Variants in PIP5K1C observed in about 807,000 individuals in gnomAD.
The protein encoded by PIP5K1C is phosphatidylinositol 4-phosphate 5-kinase type-1 gamma.
PIP5K1C carries 45 observed loss-of-function variants against 80.1 expected under a neutral mutation model. The ratio of observed to expected loss-of-function variants is 0.56; its 90% confidence interval spans 0.44 to 0.72. The LOEUF is 0.72. PIP5K1C is among the 30% of genes least tolerant of loss of function. PIP5K1C has a pLI of 0.00. For synonymous variants in PIP5K1C, 498 were observed against 420.1 expected, an observed-to-expected ratio of 1.19 and a Z score of -2.27; for missense variants, 753 against 954.6, an observed-to-expected ratio of 0.79 and a Z score of 2.78.
chr19:3,688,755 G>C lies in PIP5K1C; in HGVS notation c.94+11542C>G, dbSNP rs538772610. Among the ~76,000 whole-genome samples, 1 of 152,042 alleles carries C rather than the reference G, an allele frequency of 6.6e-6. No individual in the cohort carries two copies. The highest frequency in any genetic ancestry group is 6.5e-5 in the Admixed American group (1 of 15,274). Reference sequence around the variant, plus strand: ...GAAAGAGAGAGAGAGAGAGGAGAGTGGGGGGAGAACGAGAGCGAGAGACAC... The same window carrying C: ...GAAAGAGAGAGAGAGAGAGGAGAGTCGGGGGAGAACGAGAGCGAGAGACAC... On this transcript the variant is annotated intron_variant, in intron 1 of 17. Transcript: ENST00000335312. The surrounding 1 kb of genome is among the most constrained non-coding windows in gnomAD (Gnocchi z 5.3).
chr19:3,675,566 C>A (rs2035332001), intron 1 of PIP5K1C, among the ~76,000 whole-genome samples: 1 of 152,176 alleles, frequency 6.6e-6, no homozygotes, highest in Admixed American at 6.5e-5. Flanking sequence ...GGTGCCGACC[C>A]TCAGCTTCTG....
In PIP5K1C at chr19:3,648,833, C is replaced by G; in HGVS notation, c.1128-125G>C. 1 of 753,906 alleles carries G rather than the reference C, an allele frequency of 1.3e-6. No individual in the cohort carries two copies. Among genetic ancestry groups the G allele is most frequent in the Non-Finnish European group, 2.3e-6 (1 of 437,356 alleles). 46.7% of individuals were successfully genotyped at this position (753,906 alleles called of 1,614,324 possible). A position where few individuals can be genotyped will look rare whatever the true frequency, so the allele number is the denominator to read the frequency against. On this transcript the variant is annotated intron_variant, in intron 8 of 17. Transcript: ENST00000335312. The surrounding 1 kb of genome is among the most constrained non-coding windows in gnomAD (Gnocchi z 4.3). Reference sequence around the variant, plus strand: ...GTGGGTGGCAACTTGGCCAAGCTCTCGGAGTGGGGCCTGGCACCCGGGAAC... The same window carrying G: ...GTGGGTGGCAACTTGGCCAAGCTCTGGGAGTGGGGCCTGGCACCCGGGAAC...
chr19:3,646,650 C>T (rs550308958), intron 10 of PIP5K1C, among the ~76,000 whole-genome samples: 8 of 152,340 alleles, frequency 5.3e-5, no homozygotes, highest in African/African-American at 1.4e-4. Flanking sequence ...CAGCAGGTTC[C>T]GGGCCTTGGC....
At position 3,641,519 on chromosome 19, in the gene PIP5K1C, T is replaced by C. The variant is rs563301790; in HGVS notation, c.1787+186A>G. On this transcript the variant is annotated intron_variant, in intron 15 of 17. Transcript: ENST00000335312. ...GCATCGCCCAGTGTCCCCTGGGGGC[T>C]AGGATCACCCCGGCTAGTCGAGAAC... is the stretch of plus-strand genomic sequence containing the variant. Among the ~76,000 whole-genome samples, 7 of 152,270 alleles carry C rather than the reference T, an allele frequency of 4.6e-5. No homozygotes were observed. In the East Asian group the frequency reaches 1.4e-3, roughly 30 times the overall value.
chr19:3,687,367 G>A (rs1208598461), intron 1 of PIP5K1C, among the ~76,000 whole-genome samples: 2 of 152,090 alleles, frequency 1.3e-5, no homozygotes, highest in African/African-American at 4.8e-5. Flanking sequence ...GTCTCAAAAA[G>A]AAAAGAATTT....
rs944329921 is a variant in PIP5K1C, at chr19:3,637,608, C to T, written c.1920+1276G>A. The T allele has an allele frequency of 1.8e-4, 168 of 950,602 alleles. No homozygotes were observed. The highest frequency in any genetic ancestry group is 2.3e-4 in the Non-Finnish European group (156 of 691,568). The allele number at this position is 950,602 out of a possible 1,614,324, so 58.9% of individuals were successfully genotyped here. A position where few individuals can be genotyped will look rare whatever the true frequency, so the allele number is the denominator to read the frequency against. On this transcript the variant is annotated intron_variant, in intron 16 of 17. Coordinates refer to ENST00000335312, the MANE Select transcript of PIP5K1C (RefSeq NM_012398.3). The surrounding 1 kb of genome is among the most constrained non-coding windows in gnomAD (Gnocchi z 7.0). ...GAGAGTAAATCCAGTACCTCCCATCCGTGAACTGGACGGGGCGGGCCGGGT... is the reference window on the plus strand; with the variant it reads ...GAGAGTAAATCCAGTACCTCCCATCTGTGAACTGGACGGGGCGGGCCGGGT...
At chr19:3,687,105 T>C (rs1009377534) in intron 1 of PIP5K1C, among the ~76,000 whole-genome samples, 3 of 151,968 alleles carry the variant, frequency 2.0e-5, no homozygotes, top group Admixed American at 6.6e-5. Context: ...AAGAAGAAGA[T>C]TGGCTTGAAC....
chr19:3,633,077 G>C lies in PIP5K1C; in HGVS notation c.*90C>G. On this transcript the variant is annotated 3_prime_UTR_variant, in exon 18 of 18. Coordinates refer to ENST00000335312, the MANE Select transcript of PIP5K1C (RefSeq NM_012398.3). The stretch of plus-strand genomic sequence containing the variant: ...TGGGGCGGCGAGGCGGGCATCTCCC[G>C]AGCTCTGGGCCTCAGCGGGGTGGGC... 1 of 706,092 alleles carries C rather than the reference G, an allele frequency of 1.4e-6. No homozygotes were observed. The highest frequency in any genetic ancestry group is 2.6e-6 in the Non-Finnish European group (1 of 379,478). The allele number at this position is 706,092 out of a possible 1,614,324, so 43.7% of individuals were successfully genotyped here. A position where few individuals can be genotyped will look rare whatever the true frequency, so the allele number is the denominator to read the frequency against.
In PIP5K1C at chr19:3,637,250, G is replaced by A. The variant is rs1192031507; in HGVS notation, c.1920+1634C>T. The A allele has an allele frequency of 1.0e-5, 15 of 1,452,140 alleles. No individual in the cohort carries two copies. The Admixed American group carries it at 1.8e-4, about 17-fold the overall frequency. 90.0% of individuals were successfully genotyped at this position (1,452,140 alleles called of 1,614,324 possible). ...GAGAGGGGCTCGCTGGGGTCTGGCC[G>A]GGGTCCGAAGCAGACCCTGGGCCTC... On this transcript the variant is annotated intron_variant, in intron 16 of 17. Coordinates refer to ENST00000335312, the MANE Select transcript of PIP5K1C (RefSeq NM_012398.3). The surrounding 1 kb of genome is among the most constrained non-coding windows in gnomAD (Gnocchi z 7.0).
rs903647506 is a variant in PIP5K1C, at chr19:3,696,798, G to A, written c.94+3499C>T. ...TGTGCAGGGCCTGATGGGCTTCAAAGAGGACTATGTCTTTGACCCCAAGGG... is the reference window on the plus strand; with the variant it reads ...TGTGCAGGGCCTGATGGGCTTCAAAAAGGACTATGTCTTTGACCCCAAGGG... On this transcript the variant is annotated intron_variant, in intron 1 of 17. Transcript: ENST00000335312. This position sits in a 1 kb window ranked among gnomAD's most constrained non-coding sequence, Gnocchi z 4.1. 3.9e-5 allele frequency among the ~76,000 whole-genome samples: 6 copies of A among 152,156 alleles called. No homozygotes were observed. The highest frequency in any genetic ancestry group is 8.8e-5 in the Non-Finnish European group (6 of 68,020).
At chr19:3,642,867 A>T (rs756075891) in intron 14 of PIP5K1C, 40 bp downstream of exon 14, 3 of 1,566,432 alleles carry the variant, frequency 1.9e-6, no homozygotes, top group East Asian at 4.5e-5. Context: ...GTGCAGGAGG[A>T]GCTGGTGAGA....
chr19:3,671,463 AGCTG>A (rs1267218838), intron 1 of PIP5K1C, among the ~76,000 whole-genome samples: 1 of 152,158 alleles, frequency 6.6e-6, no homozygotes, highest in Non-Finnish European at 1.5e-5. Context: ...GACTCACCTG[AGCTG>A]GCTAACGGGG....
Position 3,633,486 on chromosome 19 carries a change from A to G in PIP5K1C, c.1955T>C (p.Leu652Pro). The stretch of plus-strand genomic sequence containing the variant: ...CGGGGGGGCCTGGGCGCTATAGTGG[A>G]GCGGGGAGTACACCCAGCTCCTCTC... The part of the protein sequence containing the change: ...TDERSWVYSP[L>P]HYSAQAPPAS... Residue 652 changes from leucine (L) to proline (P), a missense_variant, in exon 17 of 18, where the codon CTC becomes CCC. By Grantham distance (98) the Leu-to-Pro change is moderately conservative (BLOSUM62 -3). Around this residue, in one of 6 missense-constraint regions of PIP5K1C, gnomAD observed 315 missense variants for 294.5 expected, o/e 1.07. Transcript: ENST00000335312. 1 of 1,505,872 alleles carries G rather than the reference A, an allele frequency of 6.6e-7. No homozygotes were observed. 93.3% of individuals were successfully genotyped at this position (1,505,872 alleles called of 1,614,324 possible). A position where few individuals can be genotyped will look rare whatever the true frequency, so the allele number is the denominator to read the frequency against.
At chr19:3,665,258 C>A (rs1206689234) in intron 2 of PIP5K1C, among the ~76,000 whole-genome samples, 1 of 152,150 alleles carries the variant, frequency 6.6e-6, no homozygotes, top group Non-Finnish European at 1.5e-5. Context: ...CTGGACCGTT[C>A]TTTGGGGTGG....
chr19:3,652,086 A>C, intron 7 of PIP5K1C, 55 bp from the exon 8 acceptor site: 2 of 1,555,756 alleles, frequency 1.3e-6, no homozygotes, highest in Non-Finnish European at 1.8e-6. Flanking sequence ...ATCCCCCACA[A>C]CGGCTCCCGG....
At chr19:3,699,472 G>A (rs913399372) in intron 1 of PIP5K1C, among the ~76,000 whole-genome samples, 4 of 152,342 alleles carry the variant, frequency 2.6e-5, no homozygotes, top group Middle Eastern at 6.8e-3. Context: ...GGGGGGAGAA[G>A]GAGGACGGAT....
chr19:3,697,574 TG>T (rs1211332747), intron 1 of PIP5K1C, among the ~76,000 whole-genome samples: 2 of 151,950 alleles, frequency 1.3e-5, no homozygotes, highest in African/African-American at 4.8e-5. Context: ...AAGGAGTCAG[TG>T]GGTTCTGGGC....
intron 13 of PIP5K1C, 85 bp from the exon 14 acceptor site, chr19:3,643,024 ACCTGCCCCCTGGCAGC>A: frequency 6.5e-7 from 1 of 1,541,620 alleles, no homozygotes; most frequent in Non-Finnish European, 9.0e-7. Flanking sequence ...CCGCCTGCCT[ACCTGCCCCCTGGCAGC>A]CCTGCCCACC....
At chr19:3,647,732 A>T (rs1374917762) in intron 9 of PIP5K1C, among the ~76,000 whole-genome samples, 12 of 152,184 alleles carry the variant, frequency 7.9e-5, no homozygotes, top group Admixed American at 3.3e-4. Context: ...AGATCACCTG[A>T]GATCAGGAGT....
Sources: allele counts gnomAD v4.1 joint callset (sites outside exome capture counted in the v4.1 genomes callset), GRCh38; gene constraint gnomAD v4.1.1; regional missense constraint gnomAD v4.1.1; non-coding constraint Gnocchi (gnomAD v3.1); transcripts MANE v1.5; gene names NCBI Gene and HGNC (gene_info 2026-07-23, HGNC 2026-07-21).